Variants in SACM1L observed in about 807,000 individuals in gnomAD.
SACM1L encodes phosphatidylinositol-3-phosphatase SAC1.
SACM1L carries 32 observed loss-of-function variants against 89.5 expected under a neutral mutation model. That is an observed-to-expected ratio of 0.36 (90% CI 0.27 to 0.48). The LOEUF (loss-of-function observed/expected upper bound fraction) is 0.48, where lower values mean the gene tolerates loss of function less well. Among genes scored for constraint, SACM1L ranks in the 20% least tolerant of loss-of-function variants. The pLI is 0.99. For missense variants in SACM1L, 543 were observed against 708.5 expected (o/e 0.77, Z 2.65); for synonymous variants, 213 against 232.8 (o/e 0.92, Z 0.77).
intron 5 of SACM1L, among the ~76,000 whole-genome samples, chr3:45,710,195 A>G (rs1575393838): frequency 1.3e-5 from 2 of 148,214 alleles, no homozygotes; most frequent in Middle Eastern, 7.0e-3. Context: ...GGTTTTTTTT[A>G]TTTTGCTTTT....
chr3:45,696,042 T>C (rs1406151120), intron 1 of SACM1L, among the ~76,000 whole-genome samples: 1 of 150,626 alleles, frequency 6.6e-6, no homozygotes, highest in Non-Finnish European at 1.5e-5. Flanking sequence ...CTGTTGCCTA[T>C]GCTGGAGTAC....
chr3:45,709,447 T>C (rs1164472172), intron 4 of SACM1L, 51 bp from the exon 5 acceptor site: 1 of 1,468,750 alleles, frequency 6.8e-7, no homozygotes, highest in Non-Finnish European at 9.3e-7. Flanking sequence ...TTTCTCATGC[T>C]GGCAGATTCC....
intron 13 of SACM1L, among the ~76,000 whole-genome samples, chr3:45,733,185 C>A (rs1029445147): frequency 1.3e-5 from 2 of 152,170 alleles, no homozygotes; most frequent in Non-Finnish European, 2.9e-5. Context: ...GTGTTCGTTG[C>A]TGTTCACTGT....
chr3:45,719,617 G>C lies in SACM1L; in HGVS notation c.679+16G>C. ...TATGTAAGAGGTGAGAATTTTGTCA[G>C]CATGGGTCATATCTGTAATTAATAT... On this transcript the variant is annotated intron_variant, in intron 8 of 19. Transcript: ENST00000389061. The C allele has an allele frequency of 6.8e-7, 1 of 1,471,458 alleles. No individual in the cohort carries two copies. The allele number at this position is 1,471,458 out of a possible 1,614,324, so 91.2% of individuals were successfully genotyped here.
At chr3:45,707,055 T>A in intron 4 of SACM1L, 148 bp downstream of exon 4, 1 of 591,490 alleles carries the variant, frequency 1.7e-6, no homozygotes, top group Non-Finnish European at 2.7e-6. Flanking sequence ...CTTTTCTACC[T>A]AGGCATAAAA....
At chr3:45,721,524 A>G (rs946891166) in intron 8 of SACM1L, among the ~76,000 whole-genome samples, 1 of 152,252 alleles carries the variant, frequency 6.6e-6, no homozygotes, top group Non-Finnish European at 1.5e-5. Context: ...CTCCGTCTCA[A>G]AAAATAAGTA....
At position 45,744,395 on chromosome 3, in the gene SACM1L, C is replaced by A. The variant is rs778985249; in HGVS notation, c.*726C>A. On this transcript the variant is annotated 3_prime_UTR_variant, in exon 20 of 20. Transcript: ENST00000389061. ...CAAAGAATGTAAAGTCTATCTCTTA[C>A]GCTAGAGGTCCAAAGCTGCCTCTGT... 6.6e-6 allele frequency: 1 copy of A among 152,608 alleles called. No individual in the cohort carries two copies. The highest frequency in any genetic ancestry group is 2.4e-5 in the African/African-American group (1 of 41,432). The allele number at this position is 152,608 out of a possible 1,614,324, so 9.5% of individuals were successfully genotyped here. A position where few individuals can be genotyped will look rare whatever the true frequency, so the allele number is the denominator to read the frequency against.
chr3:45,704,803 C>A (rs763826999), intron 2 of SACM1L, among the ~76,000 whole-genome samples: 6 of 152,202 alleles, frequency 3.9e-5, no homozygotes, highest in Non-Finnish European at 8.8e-5. Flanking sequence ...AAAGTCAGTA[C>A]TGATGAGCGA....
intron 7 of SACM1L, among the ~76,000 whole-genome samples, chr3:45,715,013 A>G (rs1417356661): frequency 8.5e-5 from 13 of 152,338 alleles, no homozygotes; most frequent in Non-Finnish European, 1.8e-4. Flanking sequence ...ATTGTGTTAC[A>G]GTTGCCTACA....
At chr3:45,707,015 A>G in intron 4 of SACM1L, 108 bp downstream of exon 4, 1 of 1,067,756 alleles carries the variant, frequency 9.4e-7, no homozygotes, top group Non-Finnish European at 1.4e-6. Flanking sequence ...AATTATTTTA[A>G]CAACCTATAG....
chr3:45,717,410 A>T (rs1340429310), intron 7 of SACM1L, among the ~76,000 whole-genome samples: 1 of 152,196 alleles, frequency 6.6e-6, no homozygotes, highest in Non-Finnish European at 1.5e-5. Context: ...GTATGGTTGC[A>T]TGTGATGAAA....
intron 1 of SACM1L, 92 bp from the exon 2 acceptor site, chr3:45,703,346 C>A: frequency 2.3e-6 from 2 of 855,348 alleles, no homozygotes; most frequent in Non-Finnish European, 3.8e-6. Flanking sequence ...AAAATGATGT[C>A]AAATTTATAC....
At chr3:45,722,196 AT>A in intron 9 of SACM1L, 111 bp downstream of exon 9, 2 of 667,062 alleles carry the variant, frequency 3.0e-6, no homozygotes, top group Non-Finnish European at 5.0e-6. Flanking sequence ...CTTATGTAAT[AT>A]TTTTATCTAT....
intron 19 of SACM1L, among the ~76,000 whole-genome samples, chr3:45,741,116 C>T (rs1160588441): frequency 2.0e-5 from 3 of 152,206 alleles, no homozygotes; most frequent in Non-Finnish European, 2.9e-5. Context: ...ATCCTAGTCA[C>T]TCTGAAAGAA....
chr3:45,739,700 A>C, intron 19 of SACM1L, 56 bp downstream of exon 19: 1 of 1,528,006 alleles, frequency 6.5e-7, no homozygotes. Flanking sequence ...TTCTTTTACA[A>C]CATCTTAAGT....
At chr3:45,722,847 A>G in intron 9 of SACM1L, 22 bp from the exon 10 acceptor site, 1 of 1,562,152 alleles carries the variant, frequency 6.4e-7, no homozygotes, top group African/African-American at 1.4e-5. Context: ...GTTTCTTTTC[A>G]CATTTCTCTC....
At chr3:45,727,504 ATGGTCTGAT>A (rs1698949678) in intron 11 of SACM1L, among the ~76,000 whole-genome samples, 1 of 152,162 alleles carries the variant, frequency 6.6e-6, no homozygotes, top group South Asian at 2.1e-4. Context: ...GTACAGTAAT[ATGGTCTGAT>A]TGGTTTATGA....
chr3:45,719,336 C>G (rs944883083), intron 7 of SACM1L, among the ~76,000 whole-genome samples, 164 bp from the exon 8 acceptor site: 1 of 152,126 alleles, frequency 6.6e-6, no homozygotes, highest in Admixed American at 6.5e-5. Flanking sequence ...GACAAAACTT[C>G]ACAGTTGATT....
At chr3:45,725,326 CTTT>C (rs1698893704) in intron 11 of SACM1L, among the ~76,000 whole-genome samples, 1 of 150,852 alleles carries the variant, frequency 6.6e-6, no homozygotes, top group African/African-American at 2.4e-5. Flanking sequence ...ACTCAGATGT[CTTT>C]TTATTTATTT....
Sources: gnomAD v4.1 joint callset for allele counts (sites outside exome capture counted in the v4.1 genomes callset) on GRCh38, gnomAD v4.1.1 for gene constraint, MANE v1.5 for transcripts, NCBI Gene and HGNC (gene_info 2026-07-23, HGNC 2026-07-21) for gene names.